SEZ6L: variants seen among roughly 807,000 people sequenced by gnomAD.
SEZ6L encodes the protein seizure related 6 homolog like, also known as seizure 6-like protein.
In SEZ6L, 37 loss-of-function variants were observed where a neutral mutation model predicts 106.2. The observed-to-expected ratio is 0.35, with a 90% confidence interval of 0.27 to 0.46. SEZ6L has a LOEUF of 0.46. Among genes scored for constraint, SEZ6L ranks in the 20% least tolerant of loss-of-function variants. The pLI is 1.00. For synonymous variants in SEZ6L, 541 were observed against 570.4 expected, an observed-to-expected ratio of 0.95 and a Z score of 0.73; for missense variants, 1,172 against 1,332.8, an observed-to-expected ratio of 0.88 and a Z score of 1.88.
In SEZ6L at chr22:26,350,768, T is replaced by G. The variant is rs551744830; in HGVS notation, c.2408-284T>G. On this transcript the variant is annotated intron_variant, in intron 11 of 16. Coordinates refer to ENST00000248933, the MANE Select transcript of SEZ6L (RefSeq NM_021115.5). ...GCTTCCCGGGTTCACGCCATTCTCCTGCTTCAGCCTCCCGAGTAGCTGGGA... is the reference window on the plus strand; with the variant it reads ...GCTTCCCGGGTTCACGCCATTCTCCGGCTTCAGCCTCCCGAGTAGCTGGGA... Among the ~76,000 whole-genome samples the G allele has an allele frequency of 2.1e-3, 315 of 151,706 alleles. 2 individuals carry two copies. The highest frequency in any genetic ancestry group is 7.0e-3 in the African/African-American group (291 of 41,314).
intron 1 of SEZ6L, among the ~76,000 whole-genome samples, chr22:26,243,054 C>T (rs888228529): frequency 6.6e-6 from 1 of 152,146 alleles, no homozygotes; most frequent in Non-Finnish European, 1.5e-5. Context: ...TCTGCTCTAC[C>T]TCTGTCTCAT....
At chr22:26,367,870 T>G (rs909881516) in intron 13 of SEZ6L, among the ~76,000 whole-genome samples, 5 of 152,176 alleles carry the variant, frequency 3.3e-5, no homozygotes, top group Admixed American at 6.5e-5. Context: ...CATTATTGCT[T>G]TAAGCCTCGC....
intron 15 of SEZ6L, among the ~76,000 whole-genome samples, chr22:26,376,886 G>A (rs2084245880): frequency 6.6e-6 from 1 of 152,206 alleles, no homozygotes; most frequent in Non-Finnish European, 1.5e-5. Flanking sequence ...TCTACTGGGG[G>A]CAGGGTAGAG....
At chr22:26,302,197 T>C (rs1304488387) in intron 5 of SEZ6L, among the ~76,000 whole-genome samples, 1 of 152,212 alleles carries the variant, frequency 6.6e-6, no homozygotes, top group Admixed American at 6.5e-5. Context: ...GCTTCCTTAC[T>C]CAAAGTGTGG....
In SEZ6L at chr22:26,381,732, C is replaced by T. The variant is rs892232410; in HGVS notation, c.*1437C>T. 14 of 244,312 alleles carry T rather than the reference C, an allele frequency of 5.7e-5. No homozygotes were observed. The highest frequency in any genetic ancestry group is 1.0e-4 in the East Asian group (1 of 9,762). 15.1% of individuals were successfully genotyped at this position (244,312 alleles called of 1,614,324 possible). A position where few individuals can be genotyped will look rare whatever the true frequency, so the allele number is the denominator to read the frequency against. Reference sequence around the variant, plus strand: ...AGGTATAAAGAGAAGGTGGAGGGTGCGGGTGCATGGAAGAAATACTATGTG... The same window carrying T: ...AGGTATAAAGAGAAGGTGGAGGGTGTGGGTGCATGGAAGAAATACTATGTG... On this transcript the variant is annotated 3_prime_UTR_variant, in exon 17 of 17. Transcript: ENST00000248933.
At chr22:26,270,699 G>A (rs1023496035) in intron 1 of SEZ6L, among the ~76,000 whole-genome samples, 3 of 152,124 alleles carry the variant, frequency 2.0e-5, no homozygotes, top group Non-Finnish European at 4.4e-5. Context: ...TCATCAAGAG[G>A]GGATCAGGTG....
chr22:26,187,880 GCAAAAGAC>G (rs1238503707), intron 1 of SEZ6L, among the ~76,000 whole-genome samples: 1 of 152,132 alleles, frequency 6.6e-6, no homozygotes, highest in Non-Finnish European at 1.5e-5. Context: ...GCTTTTTCCA[GCAAAAGAC>G]ATTTTTACAA....
chr22:26,231,120 G>A (rs1306341142), intron 1 of SEZ6L, among the ~76,000 whole-genome samples: 1 of 152,222 alleles, frequency 6.6e-6, no homozygotes, highest in Non-Finnish European at 1.5e-5. Flanking sequence ...TGCTCCCTGT[G>A]GAGCCCGGCT....
intron 1 of SEZ6L, among the ~76,000 whole-genome samples, chr22:26,223,529 G>A (rs1385067518): frequency 2.6e-5 from 4 of 152,014 alleles, no homozygotes; most frequent in Non-Finnish European, 5.9e-5. Context: ...GTATTGCTTG[G>A]GAGCTAAGAA....
intron 1 of SEZ6L, among the ~76,000 whole-genome samples, chr22:26,210,574 G>T (rs1380156838): frequency 6.6e-6 from 1 of 152,106 alleles, no homozygotes; most frequent in East Asian, 1.9e-4. Context: ...CCCTGGGGGC[G>T]GTTTCTTTTG....
intron 1 of SEZ6L, among the ~76,000 whole-genome samples, chr22:26,235,193 G>A (rs949074825): frequency 1.3e-5 from 2 of 152,150 alleles, no homozygotes; most frequent in African/African-American, 4.8e-5. Context: ...ACAGGAGGGT[G>A]GAGAAGGGGA....
In SEZ6L at chr22:26,369,341, C is replaced by CTTTTTTTTTTT. The variant is rs199641007; in HGVS notation, c.2794+3779_2794+3780insTTTTTTTTTTT. Among the ~76,000 whole-genome samples the CTTTTTTTTTTT allele has an allele frequency of 6.4e-3, 658 of 103,500 alleles. 155 individuals carry two copies. Among genetic ancestry groups the CTTTTTTTTTTT allele is most frequent in the African/African-American group, 0.024 (500 of 20,598 alleles). The allele number at this position is 103,500 out of a possible 152,430, so 67.9% of individuals were successfully genotyped here. On this transcript the variant is annotated intron_variant, in intron 13 of 16. Transcript: ENST00000248933. ...ATGACAATGACTTATATAAGCAGTT[C>CTTTTTTTTTTT]TTTTGTTTTTTTTTTTGAGACAGAT...
At chr22:26,341,068 C>T (rs2082818288) in intron 10 of SEZ6L, among the ~76,000 whole-genome samples, 1 of 151,556 alleles carries the variant, frequency 6.6e-6, no homozygotes, top group Non-Finnish European at 1.5e-5. Context: ...TGCAACTTCT[C>T]AAACATCGTC....
intron 9 of SEZ6L, 83 bp from the exon 10 acceptor site, chr22:26,340,353 T>C: frequency 7.5e-7 from 1 of 1,339,502 alleles, no homozygotes; most frequent in Non-Finnish European, 1.0e-6. Context: ...ACAAATTTTG[T>C]ATTGCCTGAA....
chr22:26,205,072 C>T (rs751191228), intron 1 of SEZ6L, among the ~76,000 whole-genome samples: 36 of 152,214 alleles, frequency 2.4e-4, no homozygotes, highest in Non-Finnish European at 3.8e-4. Flanking sequence ...TTCATTATTC[C>T]TTTCCATTGG....
chr22:26,319,142 A>T (rs1462132943), intron 9 of SEZ6L, among the ~76,000 whole-genome samples: 2 of 152,124 alleles, frequency 1.3e-5, no homozygotes, highest in African/African-American at 4.8e-5. Context: ...TCTTTCTCCC[A>T]CACCCTGTAG....
intron 1 of SEZ6L, among the ~76,000 whole-genome samples, chr22:26,241,123 C>T (rs1437282082): frequency 2.0e-5 from 3 of 152,078 alleles, no homozygotes; most frequent in Non-Finnish European, 4.4e-5. Flanking sequence ...TATCCCCATT[C>T]GAAAGATGGT....
chr22:26,298,776 C>A (rs561919610), intron 4 of SEZ6L, among the ~76,000 whole-genome samples: 1 of 152,046 alleles, frequency 6.6e-6, no homozygotes, highest in Non-Finnish European at 1.5e-5. Flanking sequence ...GGCAGGGTGG[C>A]GATTTTTAAG....
chr22:26,250,844 T>C (rs746288599), intron 1 of SEZ6L, among the ~76,000 whole-genome samples: 3 of 152,200 alleles, frequency 2.0e-5, no homozygotes, highest in Non-Finnish European at 2.9e-5. Context: ...TTATCAGTGT[T>C]CATAGCTTTC....
Sources: gnomAD v4.1 joint callset for allele counts (sites outside exome capture counted in the v4.1 genomes callset) on GRCh38, gnomAD v4.1.1 for gene constraint, MANE v1.5 for transcripts, NCBI Gene and HGNC (gene_info 2026-07-23, HGNC 2026-07-21) for gene names.